The following EBF4 variants were observed in gnomAD, a reference collection of about 807,000 sequenced individuals.
The protein encoded by EBF4 is EBF transcription factor 4, also known as transcription factor COE4.
Under a neutral mutation model 67.1 loss-of-function variants are expected in EBF4, and 34 were observed. That is an observed-to-expected ratio of 0.51 (90% confidence interval 0.39 to 0.67). The LOEUF is 0.67. Among genes scored for constraint, EBF4 ranks in the 30% least tolerant of loss-of-function variants. The pLI, the probability that EBF4 is intolerant of heterozygous loss-of-function variation, is 0.00. For synonymous variants in EBF4, 387 were observed against 377.7 expected, an observed-to-expected ratio of 1.02 and a Z score of -0.29; for missense variants, 837 against 873.3, an observed-to-expected ratio of 0.96 and a Z score of 0.52.
intron 6 of EBF4, among the ~76,000 whole-genome samples, chr20:2,719,268 T>C (rs2087647998): frequency 2.0e-5 from 3 of 152,022 alleles, no homozygotes; most frequent in Admixed American, 2.0e-4. Context: ...AATTTTTGTA[T>C]TTTTTGTATT....
chr20:2,735,241 G>C (rs1378520580), intron 6 of EBF4, among the ~76,000 whole-genome samples: 1 of 152,164 alleles, frequency 6.6e-6, no homozygotes, highest in Non-Finnish European at 1.5e-5. Flanking sequence ...AGTGAAAACT[G>C]ACTGGGAATA....
chr20:2,708,179 CT>C (rs1325773721), intron 5 of EBF4, among the ~76,000 whole-genome samples, 159 bp downstream of exon 5: 1 of 152,220 alleles, frequency 6.6e-6, no homozygotes, highest in Non-Finnish European at 1.5e-5. Context: ...GGTGAGGCCC[CT>C]GGGCACAGCG....
intron 1 of EBF4, among the ~76,000 whole-genome samples, chr20:2,702,757 G>T (rs998690708): frequency 2.0e-5 from 3 of 152,112 alleles, no homozygotes; most frequent in Non-Finnish European, 4.4e-5. Flanking sequence ...GCATGCTCAT[G>T]ATGGGCACCT....
At chr20:2,701,044 T>C (rs894010340) in intron 1 of EBF4, among the ~76,000 whole-genome samples, 4 of 152,242 alleles carry the variant, frequency 2.6e-5, no homozygotes, top group African/African-American at 9.6e-5. Context: ...TTGCCCACTC[T>C]GCAGTCCTCC....
chr20:2,697,218 C>T (rs1379544019), intron 1 of EBF4, among the ~76,000 whole-genome samples: 3 of 152,112 alleles, frequency 2.0e-5, no homozygotes, highest in South Asian at 2.1e-4. Flanking sequence ...GCGAGGGAGG[C>T]TCTGCCAACA....
At position 2,751,654 on chromosome 20, in the gene EBF4, G is replaced by A. The variant is rs1271245666; in HGVS notation, c.1019-46G>A. The A allele has an allele frequency of 6.5e-6, 10 of 1,539,732 alleles. No homozygotes were observed. Among genetic ancestry groups the A allele is most frequent in the East Asian group, 2.4e-5 (1 of 40,842 alleles). On this transcript the variant is annotated intron_variant, in intron 10 of 16. Transcript: ENST00000609451. The surrounding 1 kb of genome is among the most constrained non-coding windows in gnomAD (Gnocchi z 5.2). ...CGCCCTGCGTCTCACCCTGGGAGTG[G>A]GGGGCTGCGGGGGAGACGTCCTCCA...
intron 6 of EBF4, among the ~76,000 whole-genome samples, chr20:2,741,051 C>G (rs1013323813): frequency 6.6e-6 from 1 of 152,114 alleles, no homozygotes; most frequent in Non-Finnish European, 1.5e-5. Context: ...TGGCTCATGC[C>G]TGTAATCTCA....
At chr20:2,743,326 C>G (rs554504345) in intron 6 of EBF4, among the ~76,000 whole-genome samples, 9 of 152,278 alleles carry the variant, frequency 5.9e-5, no homozygotes, top group Non-Finnish European at 1.3e-4. Flanking sequence ...CTCTCTAGGT[C>G]CAGGGGAGAG....
chr20:2,718,285 G>A (rs529246062), intron 6 of EBF4, among the ~76,000 whole-genome samples: 2 of 152,050 alleles, frequency 1.3e-5, no homozygotes, highest in Admixed American at 1.3e-4. Flanking sequence ...TTGGGATTGG[G>A]GTAATGCTGG....
chr20:2,751,384 C>T lies in EBF4; in HGVS notation c.1019-316C>T, dbSNP rs553018998. Among the ~76,000 whole-genome samples, 29 of 152,330 alleles carry T rather than the reference C, an allele frequency of 1.9e-4. No individual in the cohort carries two copies. Among genetic ancestry groups the T allele is most frequent in the Admixed American group, 1.7e-3 (26 of 15,308 alleles). ...TCGAGTCCTGCCCTTAGGACTATAA[C>T]TCATATGTGTATACGGTTTCCCTTT... On this transcript the variant is annotated intron_variant, in intron 10 of 16. Transcript: ENST00000609451. This position sits in a 1 kb window ranked among gnomAD's most constrained non-coding sequence, Gnocchi z 5.2.
At chr20:2,706,347 T>C (rs1482737210) in intron 4 of EBF4, 83 bp downstream of exon 4, 12 of 1,481,670 alleles carry the variant, frequency 8.1e-6, no homozygotes, top group Non-Finnish European at 2.8e-6. Flanking sequence ...AGCCTCCTTG[T>C]TCCTGCCCTC....
At chr20:2,692,828 GGC>G, upstream of EBF4, 1 of 158,408 alleles carries the variant, frequency 6.3e-6, no homozygotes, top group East Asian at 1.9e-4. This position sits in a 1 kb window ranked among gnomAD's most constrained non-coding sequence, Gnocchi z 6.4. Flanking sequence ...CGGCGGCGGC[GGC>G]GGGATGGCCC....
intron 6 of EBF4, among the ~76,000 whole-genome samples, chr20:2,730,927 TC>T (rs2087805612): frequency 1.3e-5 from 2 of 152,058 alleles, no homozygotes; most frequent in South Asian, 4.1e-4. Context: ...TTAGATGGAG[TC>T]TCGCTCCATC....
chr20:2,702,384 T>C (rs1457559077), intron 1 of EBF4, among the ~76,000 whole-genome samples: 6 of 151,022 alleles, frequency 4.0e-5, no homozygotes, highest in African/African-American at 1.2e-4. Flanking sequence ...GCTATAATTG[T>C]GCCACCGCAC....
At chr20:2,700,836 A>G (rs2087364193) in intron 1 of EBF4, among the ~76,000 whole-genome samples, 1 of 152,130 alleles carries the variant, frequency 6.6e-6, no homozygotes, top group Non-Finnish European at 1.5e-5. Context: ...CAATCAGGAG[A>G]AGGAGGCACC....
intron 6 of EBF4, among the ~76,000 whole-genome samples, chr20:2,719,309 C>G (rs2087648609): frequency 6.6e-6 from 1 of 152,096 alleles, no homozygotes; most frequent in South Asian, 2.1e-4. Flanking sequence ...GAGTCTTGCT[C>G]TATTGCCCAA....
chr20:2,737,628 C>G (rs1476142999), intron 6 of EBF4, among the ~76,000 whole-genome samples: 1 of 151,982 alleles, frequency 6.6e-6, no homozygotes, highest in East Asian at 1.9e-4. Context: ...CCTGCCACCC[C>G]ACCCTTACCG....
rs1470431433 is a variant in EBF4, at chr20:2,739,966, T to A, written c.558-8583T>A. ...ATTCACTGCATACCTTCTTTCTAGA[T>A]CTGCACTGTCCAATATGGTAGTCTC... On this transcript the variant is annotated intron_variant, in intron 6 of 16. Coordinates refer to ENST00000609451, the Ensembl canonical transcript of EBF4. The surrounding 1 kb of genome is among the most constrained non-coding windows in gnomAD (Gnocchi z 4.5). Among the ~76,000 whole-genome samples the A allele has an allele frequency of 6.6e-6, 1 of 152,244 alleles. No homozygotes were observed. The highest frequency in any genetic ancestry group is 1.5e-5 in the Non-Finnish European group (1 of 68,036).
chr20:2,749,640 G>A (rs2088107242), exon 9 of EBF4: 4 of 1,563,666 alleles, frequency 2.6e-6, no homozygotes, highest in African/African-American at 1.4e-5. Context: ...CTGCATCAAG[G>A]CCATCAGCCC....
Sources: gnomAD v4.1 joint callset for allele counts (sites outside exome capture counted in the v4.1 genomes callset) on GRCh38, gnomAD v4.1.1 for gene constraint, Gnocchi (gnomAD v3.1) non-coding constraint, MANE v1.5 for transcripts, NCBI Gene and HGNC (gene_info 2026-07-23, HGNC 2026-07-21) for gene names.